POU2F1: variants seen among roughly 807,000 people sequenced by gnomAD.
The protein encoded by POU2F1 is POU domain, class 2, transcription factor 1.
A neutral mutation model predicts 84.9 loss-of-function variants in POU2F1; 16 were observed. The observed-to-expected ratio is 0.19, with a 90% CI of 0.13 to 0.29. The LOEUF is 0.29. POU2F1 is among the 10% of genes least tolerant of loss of function. The probability of loss-of-function intolerance (pLI) is 1.00; values close to 1 mark genes in which losing one functional copy is unlikely to be tolerated. For missense variants in POU2F1, 738 were observed against 942.6 expected (o/e 0.78, Z 2.84); for synonymous variants, 368 against 368.3 (o/e 1.00, Z 0.01).
At chr1:167,405,155 T>C (rs971592480) in intron 13 of POU2F1, among the ~76,000 whole-genome samples, 1 of 152,122 alleles carries the variant, frequency 6.6e-6, no homozygotes, top group Non-Finnish European at 1.5e-5. Context: ...TCCACAGCCC[T>C]TAATAATCTC....
In POU2F1 at chr1:167,365,426, TA is replaced by T. The variant is rs749059348; in HGVS notation, c.128-40del. 46 of 1,431,934 alleles carry T rather than the reference TA, an allele frequency of 3.2e-5. No individual in the cohort carries two copies. The African/African-American group carries it at 6.2e-4, about 19-fold the overall frequency. The allele number at this position is 1,431,934 out of a possible 1,614,324, so 88.7% of individuals were successfully genotyped here. A position where few individuals can be genotyped will look rare whatever the true frequency, so the allele number is the denominator to read the frequency against. ...CTGAAATCTAGTGCTTTATTTCATTTATTTCTTTTAATAGTTGAAATTATTT... is the reference window on the plus strand; with the variant it reads ...CTGAAATCTAGTGCTTTATTTCATTTTTTCTTTTAATAGTTGAAATTATTT... On this transcript the variant is annotated intron_variant, in intron 2 of 15. Transcript: ENST00000367866.
chr1:167,323,798 T>G (rs1254515003), intron 1 of POU2F1, among the ~76,000 whole-genome samples: 1 of 152,218 alleles, frequency 6.6e-6, no homozygotes, highest in African/African-American at 2.4e-5. Context: ...GTTCAAGCAA[T>G]TCTCATGCCT....
intron 1 of POU2F1, among the ~76,000 whole-genome samples, chr1:167,271,139 C>G (rs1652343695): frequency 6.6e-6 from 1 of 152,128 alleles, no homozygotes; most frequent in African/African-American, 2.4e-5. Context: ...AAAGAGGTAT[C>G]AAGTCCTTAA....
At chr1:167,236,487 C>T (rs1249212974) in intron 1 of POU2F1, among the ~76,000 whole-genome samples, 2 of 152,114 alleles carry the variant, frequency 1.3e-5, no homozygotes, top group East Asian at 1.9e-4. Flanking sequence ...TTCAAATGTA[C>T]AACAATGATT....
At chr1:167,381,339 T>C (rs1186775865) in intron 7 of POU2F1, among the ~76,000 whole-genome samples, 1 of 152,176 alleles carries the variant, frequency 6.6e-6, no homozygotes, top group Non-Finnish European at 1.5e-5. Context: ...TGCCTCGGCC[T>C]CCCAAAGTGC....
In POU2F1 at chr1:167,399,291, A is replaced by C; in HGVS notation, c.1375A>C (p.Arg459=). 1 of 1,614,168 alleles carries C rather than the reference A, an allele frequency of 6.2e-7. No homozygotes were observed. The highest frequency in any genetic ancestry group is 8.5e-7 in the Non-Finnish European group (1 of 1,180,020). Residue 459 remains arginine (R), a synonymous_variant, in exon 12 of 16, where the codon AGA becomes CGA. Coordinates refer to ENST00000367866, the MANE Select transcript of POU2F1 (RefSeq NM_002697.4). ...WFCNRRQKEK[R]INPPSSGGTS... is the part of the protein sequence containing the mutation. ...CTGTAACCGCCGCCAGAAAGAAAAA[A>C]GAATCAACCCACCAAGCAGTGGTGG...
At chr1:167,384,927 A>C (rs2101882651) in intron 8 of POU2F1, among the ~76,000 whole-genome samples, 1 of 152,276 alleles carries the variant, frequency 6.6e-6, no homozygotes, top group Middle Eastern at 3.4e-3. Context: ...CTTAGTTGCT[A>C]GATGACATGA....
intron 1 of POU2F1, among the ~76,000 whole-genome samples, chr1:167,224,938 C>T (rs1287113893): frequency 6.6e-6 from 1 of 151,024 alleles, no homozygotes; most frequent in Non-Finnish European, 1.5e-5. Flanking sequence ...CAGTGATTCT[C>T]CTGCCTCAGC....
chr1:167,413,382 C>T (rs1650104279), intron 15 of POU2F1, among the ~76,000 whole-genome samples: 1 of 152,180 alleles, frequency 6.6e-6, no homozygotes, highest in African/African-American at 2.4e-5. Context: ...AAAACCAGAA[C>T]TTTCATGCTA....
chr1:167,260,931 A>G (rs1464227828), intron 1 of POU2F1, among the ~76,000 whole-genome samples: 1 of 152,180 alleles, frequency 6.6e-6, no homozygotes, highest in African/African-American at 2.4e-5. Flanking sequence ...AGTATGAATT[A>G]ACTATATTTT....
At chr1:167,284,274 C>G (rs922356986) in intron 1 of POU2F1, among the ~76,000 whole-genome samples, 3 of 152,108 alleles carry the variant, frequency 2.0e-5, no homozygotes, top group Non-Finnish European at 4.4e-5. Flanking sequence ...AGTATTTACA[C>G]CAAGTCTTTA....
At chr1:167,314,266 G>A (rs1337719855) in intron 1 of POU2F1, among the ~76,000 whole-genome samples, 1 of 151,986 alleles carries the variant, frequency 6.6e-6, no homozygotes, top group Non-Finnish European at 1.5e-5. Flanking sequence ...TGTATGGATG[G>A]CAAATAAGCA....
rs141256130 is a variant in POU2F1 at position 167,269,863 on chromosome 1, G to T, written c.61+48905G>T. Among the ~76,000 whole-genome samples the T allele has an allele frequency of 4.1e-3, 613 of 149,034 alleles. 6 individuals are homozygous for T. The highest frequency in any genetic ancestry group is 0.015 in the African/African-American group (592 of 40,538). On this transcript the variant is annotated intron_variant, in intron 1 of 15. Coordinates refer to ENST00000367866, the MANE Select transcript of POU2F1 (RefSeq NM_002697.4). ...TGGGTGACAGAGGTTGCAGTGAGCC[G>T]AGATCCCGCCACTGCACTCCAACCT...
intron 1 of POU2F1, among the ~76,000 whole-genome samples, chr1:167,282,379 C>T (rs142134407): frequency 0.09 from 13,737 of 152,154 alleles, 1,271 homozygotes; most frequent in African/African-American, 0.24. Flanking sequence ...TTCCTGACCT[C>T]GTAATCCGCC....
intron 1 of POU2F1, among the ~76,000 whole-genome samples, chr1:167,223,384 T>C (rs1648380949): frequency 6.6e-6 from 1 of 152,188 alleles, no homozygotes; most frequent in South Asian, 2.1e-4. Flanking sequence ...ATTTTGATTT[T>C]TGGTCTTTCC....
chr1:167,246,352 C>A (rs1331935677), intron 1 of POU2F1, among the ~76,000 whole-genome samples: 1 of 152,138 alleles, frequency 6.6e-6, no homozygotes, highest in Non-Finnish European at 1.5e-5. Context: ...AGTCTTAGTG[C>A]CAAGTTTATG....
At chr1:167,322,717 G>A (rs1571299319) in intron 1 of POU2F1, among the ~76,000 whole-genome samples, 2 of 152,222 alleles carry the variant, frequency 1.3e-5, no homozygotes, top group African/African-American at 4.8e-5. Context: ...ACAGCCTTCA[G>A]AGCTGAGAGC....
At position 167,426,774 on chromosome 1, in the gene POU2F1, A is replaced by T. The variant is rs917927706; in HGVS notation, c.*10964A>T. ...GGAAACTTAAGATGTGGTGTAAATG[A>T]TTCTTTCCAAAATTGTCCAGCAGCT... On this transcript the variant is annotated 3_prime_UTR_variant, in exon 16 of 16. Coordinates refer to ENST00000367866, the MANE Select transcript of POU2F1 (RefSeq NM_002697.4). 2.0e-5 allele frequency: 3 copies of T among 152,298 alleles called. No individual in the cohort carries two copies. In the South Asian group the frequency reaches 6.2e-4, roughly 32 times the overall value. The allele number at this position is 152,298 out of a possible 1,614,324, so 9.4% of individuals were successfully genotyped here.
In POU2F1 at chr1:167,424,476, G is replaced by A. The variant is rs1263330351; in HGVS notation, c.*8666G>A. 2.0e-5 allele frequency: 3 copies of A among 152,212 alleles called. No homozygotes were observed. The highest frequency in any genetic ancestry group is 7.2e-5 in the African/African-American group (3 of 41,444). 9.4% of individuals were successfully genotyped at this position (152,212 alleles called of 1,614,324 possible). On this transcript the variant is annotated 3_prime_UTR_variant, in exon 16 of 16. Transcript: ENST00000367866. ...GTAGTAGTGAAGGCTAGGTGAGTAA[G>A]CGTGGGCTGTTCTACCCACCAGAAG... is the stretch of plus-strand genomic sequence containing the variant.
Sources: gnomAD v4.1 joint callset for allele counts (sites outside exome capture counted in the v4.1 genomes callset) on GRCh38, gnomAD v4.1.1 for gene constraint, MANE v1.5 for transcripts, NCBI Gene and HGNC (gene_info 2026-07-23, HGNC 2026-07-21) for gene names.